CDH7: variants seen among roughly 807,000 people sequenced by gnomAD.
The protein encoded by CDH7 is cadherin 7.
Under a neutral mutation model 71.8 loss-of-function variants are expected in CDH7, and 25 were observed. The observed-to-expected ratio is 0.35, with a 90% CI of 0.25 to 0.49. The LOEUF (loss-of-function observed/expected upper bound fraction) is 0.49. CDH7 is among the 20% of genes least tolerant of loss of function. The probability of loss-of-function intolerance (pLI) is 0.99; values close to 1 mark genes in which losing one functional copy is unlikely to be tolerated. For missense variants in CDH7, 862 were observed against 974.6 expected (o/e 0.88, Z 1.54); for synonymous variants, 381 against 363.8 (o/e 1.05, Z -0.54).
At chr18:65,812,754 AT>A (rs1343503300) in intron 3 of CDH7, among the ~76,000 whole-genome samples, 1 of 152,186 alleles carries the variant, frequency 6.6e-6, no homozygotes, top group Non-Finnish European at 1.5e-5. Context: ...TCAGAAAAAA[AT>A]GTGTTATTGT....
chr18:65,771,049 G>C (rs1916528279), intron 2 of CDH7, among the ~76,000 whole-genome samples: 1 of 152,132 alleles, frequency 6.6e-6, no homozygotes, highest in Non-Finnish European at 1.5e-5. Context: ...CATGGCAGAA[G>C]AGAAAAATTT....
intron 8 of CDH7, 24 bp from the exon 9 acceptor site, chr18:65,858,901 A>T (rs1568224502): frequency 6.2e-7 from 1 of 1,607,158 alleles, no homozygotes. Flanking sequence ...AGAGTAAATG[A>T]TAAGACACTG....
At chr18:65,807,189 A>G (rs951808283) in intron 2 of CDH7, among the ~76,000 whole-genome samples, 4 of 152,176 alleles carry the variant, frequency 2.6e-5, no homozygotes, top group African/African-American at 7.2e-5. Context: ...AGCAAGCAGT[A>G]TGAAACTTTT....
chr18:65,888,236 A>T lies in CDH7; in HGVS notation c.*7342A>T, dbSNP rs1914422146. 6.6e-6 allele frequency: 1 copy of T among 152,314 alleles called. No homozygotes were observed. Among genetic ancestry groups the T allele is most frequent in the Middle Eastern group, 3.4e-3 (1 of 294 alleles). The allele number at this position is 152,314 out of a possible 1,614,324, so 9.4% of individuals were successfully genotyped here. A position where few individuals can be genotyped will look rare whatever the true frequency, so the allele number is the denominator to read the frequency against. On this transcript the variant is annotated 3_prime_UTR_variant, in exon 12 of 12. Coordinates refer to ENST00000397968, the MANE Select transcript of CDH7 (RefSeq NM_004361.5). Reference sequence around the variant, plus strand: ...AACTAACCAGCGAAGAGATGTATACAAAGTGTACTCTGAATTGGAATAAGT... The same window carrying T: ...AACTAACCAGCGAAGAGATGTATACTAAGTGTACTCTGAATTGGAATAAGT...
chr18:65,817,312 C>T (rs191978088), intron 4 of CDH7, among the ~76,000 whole-genome samples: 6 of 152,272 alleles, frequency 3.9e-5, no homozygotes, highest in East Asian at 1.9e-4. Flanking sequence ...CCTTCCTACA[C>T]GCCCGGTTCT....
intron 2 of CDH7, among the ~76,000 whole-genome samples, chr18:65,775,681 T>A (rs1909912284): frequency 6.6e-6 from 1 of 151,988 alleles, no homozygotes. Flanking sequence ...AAATACACAG[T>A]GTTTTAAGAA....
chr18:65,871,493 G>T (rs1006624445), intron 11 of CDH7, among the ~76,000 whole-genome samples: 1 of 152,138 alleles, frequency 6.6e-6, no homozygotes, highest in South Asian at 2.1e-4. Flanking sequence ...GCTGAGGGAC[G>T]GGACTTGAGG....
chr18:65,807,569 G>T (rs565666111), intron 2 of CDH7, among the ~76,000 whole-genome samples: 2 of 152,204 alleles, frequency 1.3e-5, no homozygotes, highest in Non-Finnish European at 2.9e-5. Context: ...GCAGTAACGT[G>T]TAGGTAAGTT....
At chr18:65,854,844 A>G (rs11872379) in intron 7 of CDH7, among the ~76,000 whole-genome samples, 11,906 of 152,050 alleles carry the variant, frequency 0.078, 1,527 homozygotes, top group African/African-American at 0.27. Flanking sequence ...GCCATTAGAT[A>G]TGACTTACAT....
At chr18:65,825,916 C>G (rs956413623) in intron 6 of CDH7, among the ~76,000 whole-genome samples, 1 of 151,660 alleles carries the variant, frequency 6.6e-6, no homozygotes, top group African/African-American at 2.4e-5. Flanking sequence ...AGGTACAATG[C>G]TGCTCAAAGA....
intron 11 of CDH7, among the ~76,000 whole-genome samples, chr18:65,869,949 T>C (rs117139502): frequency 1.3e-5 from 2 of 152,316 alleles, no homozygotes; most frequent in East Asian, 3.9e-4. Context: ...AGACGCTATA[T>C]TTTTAGGACA....
intron 2 of CDH7, among the ~76,000 whole-genome samples, chr18:65,783,262 C>A (rs1214706904): frequency 1.3e-5 from 2 of 152,034 alleles, no homozygotes; most frequent in Non-Finnish European, 2.9e-5. Flanking sequence ...ACCAAATGAA[C>A]AATCCAGAGA....
At chr18:65,832,930 TA>T (rs1049990225) in intron 6 of CDH7, among the ~76,000 whole-genome samples, 6 of 151,924 alleles carry the variant, frequency 3.9e-5, no homozygotes, top group South Asian at 4.2e-4. Context: ...TACTATAGAG[TA>T]AAAAAAATGA....
In CDH7 at chr18:65,888,493, C is replaced by G. The variant is rs562936807; in HGVS notation, c.*7599C>G. ...CGCCATCCTGGTTTCCAGCTTATAC[C>G]TCCTGACAACTCGGTACAGAAAATG... On this transcript the variant is annotated 3_prime_UTR_variant, in exon 12 of 12. Transcript: ENST00000397968. 5 of 152,076 alleles carry G rather than the reference C, an allele frequency of 3.3e-5. No homozygotes were observed. The highest frequency in any genetic ancestry group is 1.2e-4 in the African/African-American group (5 of 41,412). The allele number at this position is 152,076 out of a possible 1,614,324, so 9.4% of individuals were successfully genotyped here.
chr18:65,837,085 T>C (rs1912557173), intron 6 of CDH7, among the ~76,000 whole-genome samples: 1 of 152,190 alleles, frequency 6.6e-6, no homozygotes, highest in Non-Finnish European at 1.5e-5. Context: ...GTTTATATAT[T>C]ATCTTTCTCT....
At chr18:65,878,409 A>G (rs1159313192) in intron 11 of CDH7, among the ~76,000 whole-genome samples, 1 of 152,140 alleles carries the variant, frequency 6.6e-6, no homozygotes, top group East Asian at 1.9e-4. Flanking sequence ...ACTTGTTCCA[A>G]CATCACACAG....
chr18:65,782,070 CTT>C (rs1429332324), intron 2 of CDH7, among the ~76,000 whole-genome samples: 1 of 57,510 alleles, frequency 1.7e-5, no homozygotes, highest in African/African-American at 1.6e-4. Flanking sequence ...TCCTTTCTTT[CTT>C]TCTTTCTTTC....
intron 7 of CDH7, among the ~76,000 whole-genome samples, chr18:65,850,173 A>AATAT (rs1555689070): frequency 4.6e-5 from 3 of 65,316 alleles, no homozygotes; most frequent in African/African-American, 1.9e-4. Flanking sequence ...CACTATATAT[A>AATAT]ATATATATAT....
chr18:65,853,911 A>G (rs1436259809), intron 7 of CDH7, among the ~76,000 whole-genome samples: 2 of 14,280 alleles, frequency 1.4e-4, no homozygotes, highest in African/African-American at 5.5e-4. Context: ...ATTACCATAT[A>G]TATATATATA....
Sources: gnomAD v4.1 joint callset for allele counts (sites outside exome capture counted in the v4.1 genomes callset) on GRCh38, gnomAD v4.1.1 for gene constraint, MANE v1.5 for transcripts, NCBI Gene and HGNC (gene_info 2026-07-23, HGNC 2026-07-21) for gene names.